USP30: variants seen among roughly 807,000 people sequenced by gnomAD.
USP30 encodes ubiquitin carboxyl-terminal hydrolase 30.
In USP30, 41 loss-of-function variants were observed where a neutral mutation model predicts 68.2. The ratio of observed to expected loss-of-function variants is 0.60; its 90% CI spans 0.47 to 0.78. USP30 has a LOEUF of 0.78. Ranked by LOEUF, USP30 falls within the 30% of genes least tolerant of loss-of-function variation. The pLI, the probability that USP30 is intolerant of heterozygous loss-of-function variation, is 0.00. For missense variants in USP30, 522 were observed against 649.4 expected, an observed-to-expected ratio of 0.80 and a Z score of 2.13; for synonymous variants, 229 against 253.7, an observed-to-expected ratio of 0.90 and a Z score of 0.93.
chr12:109,084,044 A>G (rs1466637572), intron 11 of USP30, among the ~76,000 whole-genome samples: 2 of 152,110 alleles, frequency 1.3e-5, no homozygotes, highest in Admixed American at 6.5e-5. Context: ...ACTAATGTTG[A>G]GAGCATGCTG....
chr12:109,035,082 T>A (rs1021134815), intron 3 of USP30, among the ~76,000 whole-genome samples: 2 of 152,174 alleles, frequency 1.3e-5, no homozygotes, highest in Non-Finnish European at 2.9e-5. Flanking sequence ...ATCTCTGACT[T>A]GTAATTGTAG....
At position 109,085,037 on chromosome 12, in the gene USP30, C is replaced by T. The variant is rs770666270; in HGVS notation, c.1253C>T (p.Pro418Leu). 8.7e-6 allele frequency: 14 copies of T among 1,602,302 alleles called. No homozygotes were observed. In the East Asian group the frequency reaches 9.0e-5, roughly 10 times the overall value. ...TCTTTATTGCCAACGCTGTCAGCGCCGATGCCCTTCCCTCTCCCAGTTGTT... is the reference window on the plus strand; with the variant it reads ...TCTTTATTGCCAACGCTGTCAGCGCTGATGCCCTTCCCTCTCCCAGTTGTT... ...SPSLLPTLSA[P>L]MPFPLPVVPD... is the part of the protein sequence containing the mutation. Residue 418 changes from proline (P) to leucine (L), a missense_variant, in exon 12 of 13, where the codon CCG (proline) becomes CTG (leucine). Pro to Leu is a moderately conservative substitution (Grantham distance 98, BLOSUM62 -3). Transcript: ENST00000257548.
At chr12:109,049,065 A>G (rs1482151701), upstream of USP30, among the ~76,000 whole-genome samples, 1 of 152,214 alleles carries the variant, frequency 6.6e-6, no homozygotes, top group Non-Finnish European at 1.5e-5. Context: ...CCATTCAGTC[A>G]GTTGGCGGGG....
chr12:109,052,634 C>T lies in USP30; in HGVS notation c.-45C>T. The T allele has an allele frequency of 2.1e-6, 3 of 1,450,894 alleles. No individual in the cohort carries two copies. Among genetic ancestry groups the T allele is most frequent in the Non-Finnish European group, 2.7e-6 (3 of 1,107,596 alleles). The allele number at this position is 1,450,894 out of a possible 1,614,324, so 89.9% of individuals were successfully genotyped here. A position where few individuals can be genotyped will look rare whatever the true frequency, so the allele number is the denominator to read the frequency against. The stretch of plus-strand genomic sequence containing the variant: ...GTATCCCTCGGTCCGGCGGCGGCGG[C>T]GGCGGTAGCGGAGGAGACGGTTTCA... On this transcript the variant is annotated 5_prime_UTR_variant, in exon 1 of 13. Transcript: ENST00000257548.
chr12:109,049,048 AG>A (rs1265892404), upstream of USP30, among the ~76,000 whole-genome samples: 1 of 152,174 alleles, frequency 6.6e-6, no homozygotes, highest in East Asian at 1.9e-4. Flanking sequence ...CTTGGCCAAG[AG>A]GGGGCCCATT....
intron 7 of USP30, 98 bp from the exon 8 acceptor site, chr12:109,081,236 T>C: frequency 9.0e-7 from 1 of 1,107,802 alleles, no homozygotes. Flanking sequence ...ATGTTGGGCA[T>C]CTCAATATTA....
intron 3 of USP30, among the ~76,000 whole-genome samples, chr12:109,061,032 A>G (rs1159578399): frequency 1.3e-5 from 2 of 151,842 alleles, no homozygotes; most frequent in South Asian, 2.1e-4. Context: ...TGATCCTCCC[A>G]TCTTGGTCTC....
chr12:109,029,208 C>T (rs866852938), intron 3 of USP30, among the ~76,000 whole-genome samples: 17 of 152,050 alleles, frequency 1.1e-4, no homozygotes, highest in Non-Finnish European at 2.5e-4. Context: ...TCTGGACCTG[C>T]GGTCAGTGTA....
intron 4 of USP30, among the ~76,000 whole-genome samples, chr12:109,069,825 G>A (rs955999653): frequency 2.0e-5 from 3 of 152,192 alleles, no homozygotes; most frequent in African/African-American, 7.2e-5. Flanking sequence ...CTCTCAGGAG[G>A]TGAGGTTTCA....
intron 6 of USP30, among the ~76,000 whole-genome samples, chr12:109,072,675 T>A (rs893830694): frequency 1.3e-5 from 2 of 152,210 alleles, no homozygotes; most frequent in African/African-American, 4.8e-5. Flanking sequence ...GCTGCCAAAT[T>A]CTATTGCATA....
intron 3 of USP30, among the ~76,000 whole-genome samples, chr12:109,067,107 ATTTT>A (rs754748366): frequency 5.7e-5 from 6 of 104,568 alleles, no homozygotes; most frequent in African/African-American, 2.5e-4. Context: ...ACAGTCCTTA[ATTTT>A]TTTTTTTTTT....
chr12:109,057,373 A>C (rs2040909981), intron 2 of USP30, among the ~76,000 whole-genome samples: 1 of 152,144 alleles, frequency 6.6e-6, no homozygotes, highest in Non-Finnish European at 1.5e-5. Context: ...GAGAACTTTG[A>C]TAATAAAAAG....
chr12:109,030,271 A>G (rs992585621), intron 3 of USP30, among the ~76,000 whole-genome samples: 2 of 152,194 alleles, frequency 1.3e-5, no homozygotes, highest in African/African-American at 4.8e-5. Flanking sequence ...CAGTTGCATC[A>G]TCTGTAAAAT....
At position 109,057,996 on chromosome 12, in the gene USP30, C is replaced by T. The variant is rs779948971; in HGVS notation, c.264C>T (p.Ala88=). Residue 88 remains alanine, a synonymous_variant, in exon 3 of 13, where the codon GCC becomes GCT. Transcript: ENST00000257548. ...ACTCCCTGCTACAAGGCCTGTCTGC[C>T]TGTCCTGCTTTCATCAGGTGGCTGG... ...FMNSLLQGLS[A]CPAFIRWLEE... 3.0e-5 allele frequency: 48 copies of T among 1,614,056 alleles called. No individual in the cohort carries two copies. In the Admixed American group the frequency reaches 7.8e-4, roughly 26 times the overall value.
chr12:109,072,324 CCAAA>C lies in USP30; in HGVS notation c.604_607del (p.Gln202LeufsTer51). On this transcript the variant is annotated frameshift_variant, in exon 6 of 13. Coordinates refer to ENST00000257548, the MANE Select transcript of USP30 (RefSeq NM_032663.5). LOFTEE classifies it high-confidence loss of function. ...CTACAGCAGCAGTCAGAAATAACTC[CCAAA>C]CAAATTACCTGCCGCACAAGAGGTA... 6.2e-7 allele frequency: 1 copy of C among 1,613,604 alleles called. No individual in the cohort carries two copies. The highest frequency in any genetic ancestry group is 8.5e-7 in the Non-Finnish European group (1 of 1,179,822).
chr12:109,052,267 CTA>C (rs1327559937), upstream of USP30: 1 of 157,612 alleles, frequency 6.3e-6, no homozygotes, highest in East Asian at 1.8e-4. Context: ...ACAATAATAA[CTA>C]ATTATAGCAG....
At chr12:109,054,695 C>T (rs1009054018) in intron 1 of USP30, 3 of 152,154 alleles carry the variant, frequency 2.0e-5, no homozygotes, top group African/African-American at 7.2e-5. Context: ...TGAGGTAGGT[C>T]TTATGGATTG....
rs117705396 is a variant in USP30, at chr12:109,067,649, G to T, written c.480+22G>T. On this transcript the variant is annotated intron_variant, in intron 4 of 12. Coordinates refer to ENST00000257548, the MANE Select transcript of USP30 (RefSeq NM_032663.5). The stretch of plus-strand genomic sequence containing the variant: ...ACAGGTGAGTACAACATTTGAACAG[G>T]TTTAGCTTGGAGAATCCTTTCCCCT... 1.2e-4 allele frequency: 193 copies of T among 1,605,228 alleles called. 1 individual carries two copies. Among genetic ancestry groups the T allele is most frequent in the Non-Finnish European group, 1.5e-4 (179 of 1,172,646 alleles).
At chr12:109,052,187 CT>C (rs1431669488), upstream of USP30, among the ~76,000 whole-genome samples, 1 of 152,218 alleles carries the variant, frequency 6.6e-6, no homozygotes, top group Non-Finnish European at 1.5e-5. Flanking sequence ...GATTTCTCTA[CT>C]GATATCGTCA....
Sources: allele counts gnomAD v4.1 joint callset (sites outside exome capture counted in the v4.1 genomes callset), GRCh38; gene constraint gnomAD v4.1.1; transcripts MANE v1.5; gene names NCBI Gene and HGNC (gene_info 2026-07-23, HGNC 2026-07-21).